Variants in TCF20 observed in about 807,000 individuals in gnomAD.
The protein encoded by TCF20 is transcription factor 20.
A neutral mutation model predicts 148.6 loss-of-function variants in TCF20; 3 were observed. The observed-to-expected ratio is 0.02, with a 90% CI of 0.01 to 0.05. TCF20 has a LOEUF of 0.05. TCF20 is among the 10% of genes least tolerant of loss of function. The pLI is 1.00. For missense variants in TCF20, 2,350 were observed against 2,429.3 expected (o/e 0.97, Z 0.69); for synonymous variants, 1,049 against 909.5 (o/e 1.15, Z -2.76).
At chr22:42,316,911 C>T (rs911100150) in intron 1 of TCF20, among the ~76,000 whole-genome samples, 6 of 152,190 alleles carry the variant, frequency 3.9e-5, no homozygotes, top group Non-Finnish European at 5.9e-5. Context: ...TCCAGCCAAG[C>T]GTCGCCCTTT....
At chr22:42,300,037 T>G (rs1927307251) in intron 1 of TCF20, among the ~76,000 whole-genome samples, 1 of 152,108 alleles carries the variant, frequency 6.6e-6, no homozygotes, top group Non-Finnish European at 1.5e-5. Context: ...AGCAGTCACG[T>G]GCAGCCTGGT....
intron 1 of TCF20, among the ~76,000 whole-genome samples, chr22:42,230,066 C>A (rs1279649107): frequency 2.0e-5 from 3 of 152,238 alleles, no homozygotes; most frequent in African/African-American, 4.8e-5. Context: ...TATTTTAAAA[C>A]CTTCACTGGC....
intron 4 of TCF20, 113 bp from the exon 5 acceptor site, chr22:42,168,849 G>T: frequency 7.2e-7 from 1 of 1,384,272 alleles, no homozygotes; most frequent in Non-Finnish European, 9.5e-7. Flanking sequence ...AAAAGGCAGA[G>T]TCAGTCCTGA....
intron 1 of TCF20, among the ~76,000 whole-genome samples, chr22:42,310,008 C>T (rs1459093972): frequency 1.3e-5 from 2 of 152,240 alleles, no homozygotes; most frequent in Non-Finnish European, 2.9e-5. Flanking sequence ...TGCCCAGGCA[C>T]TGCTGAATCA....
intron 2 of TCF20, among the ~76,000 whole-genome samples, chr22:42,205,243 CT>C (rs541229810): frequency 1.2e-3 from 176 of 150,740 alleles, no homozygotes; most frequent in Admixed American, 2.6e-3. Context: ...GCAAAGGGGA[CT>C]TGTGCTGAAA....
chr22:42,174,912 G>A (rs930684857), intron 3 of TCF20, among the ~76,000 whole-genome samples: 1 of 151,952 alleles, frequency 6.6e-6, no homozygotes, highest in Non-Finnish European at 1.5e-5. Flanking sequence ...GCGGGCGCCT[G>A]TAGTCCCAGC....
chr22:42,170,426 T>C (rs192124723), intron 3 of TCF20, among the ~76,000 whole-genome samples: 3 of 151,570 alleles, frequency 2.0e-5, no homozygotes, highest in Admixed American at 2.0e-4. Context: ...GAAGACTGCT[T>C]GAGCCCAGGA....
At chr22:42,271,533 G>A (rs1403732997), upstream of TCF20, among the ~76,000 whole-genome samples, 1 of 152,056 alleles carries the variant, frequency 6.6e-6, no homozygotes, top group African/African-American at 2.4e-5. Context: ...ATATGTAGAT[G>A]TTGGTGCCCC....
rs134905 is a variant in TCF20, at chr22:42,293,160, C to G, written c.-37+50319G>C. 5.8e-3 allele frequency among the ~76,000 whole-genome samples: 878 copies of G among 152,268 alleles called. 4 individuals are homozygous for G. The highest frequency in any genetic ancestry group is 0.011 in the Non-Finnish European group (723 of 67,986). ...CAATAGTGTAGTGTTGGCCCCCCAG[C>G]CCCTCGAATAGGGGGAAGATCCAAG... On this transcript the variant is annotated intron_variant, in intron 1 of 1. Coordinates refer to the TCF20 transcript ENST00000515426.
Position 42,322,054 on chromosome 22 carries a change from C to A in TCF20, c.-37+21425G>T, listed in dbSNP as rs192603992. Reference sequence around the variant, plus strand: ...CACATGTAAAATATTTGGAACAAGGCCCAGCACTCAGCAATTGCTCAATAA... The same window carrying A: ...CACATGTAAAATATTTGGAACAAGGACCAGCACTCAGCAATTGCTCAATAA... On this transcript the variant is annotated intron_variant, in intron 1 of 1. Transcript: ENST00000515426. Among the ~76,000 whole-genome samples, 25 of 151,910 alleles carry A rather than the reference C, an allele frequency of 1.6e-4. No homozygotes were observed. In the East Asian group the frequency reaches 4.6e-3, roughly 28 times the overall value.
At chr22:42,300,389 T>TA (rs879379702) in intron 1 of TCF20, among the ~76,000 whole-genome samples, 28 of 138,720 alleles carry the variant, frequency 2.0e-4, no homozygotes, top group South Asian at 4.8e-4. Context: ...TGGCTCAAAC[T>TA]AAAAAAAAAA....
At chr22:42,167,740 G>C (rs1390143032) in intron 5 of TCF20, among the ~76,000 whole-genome samples, 1 of 151,736 alleles carries the variant, frequency 6.6e-6, no homozygotes, top group Non-Finnish European at 1.5e-5. Flanking sequence ...TTCTTTTTTT[G>C]AGACAGGGTC....
rs780984632 is a variant in TCF20 at position 42,212,349 on chromosome 22, G to A, written c.2957C>T (p.Thr986Met). 2.9e-5 allele frequency: 47 copies of A among 1,614,112 alleles called. No homozygotes were observed. The highest frequency in any genetic ancestry group is 6.7e-5 in the Admixed American group (4 of 60,004). The change falls in exon 2 of 6, where the codon ACG becomes ATG. Residue 986 changes from threonine (T) to methionine (M), a missense_variant. Physicochemically the swap from Thr to Met is moderately conservative, Grantham distance 81. Around this residue, in one of 7 missense-constraint regions of TCF20, gnomAD observed 1,641 missense variants for 1,662.6 expected, o/e 0.99. Transcript: ENST00000677622. ...SDYGPQDSRP[T>M]PMRRVPGRVG... Reference sequence around the variant, plus strand: ...TCTGCCAGGGACCCGCCGCATTGGCGTGGGTCTGCTGTCTTGCGGGCCATA... The same window carrying A: ...TCTGCCAGGGACCCGCCGCATTGGCATGGGTCTGCTGTCTTGCGGGCCATA...
At chr22:42,313,890 G>A (rs1429432584) in intron 1 of TCF20, among the ~76,000 whole-genome samples, 3 of 152,146 alleles carry the variant, frequency 2.0e-5, no homozygotes, top group Non-Finnish European at 4.4e-5. Context: ...GTGAGTCACC[G>A]CGCCGGGCCA....
intron 1 of TCF20, among the ~76,000 whole-genome samples, chr22:42,341,009 G>A (rs1415056642): frequency 6.6e-6 from 1 of 152,068 alleles, no homozygotes; most frequent in Non-Finnish European, 1.5e-5. Context: ...GGAGCTGCGG[G>A]GCGCGCAGCT....
At chr22:42,169,739 G>A (rs1361460676) in intron 4 of TCF20, 108 bp downstream of exon 4, 14 of 1,150,080 alleles carry the variant, frequency 1.2e-5, no homozygotes, top group Non-Finnish European at 1.6e-5. Flanking sequence ...GGAGGCACAG[G>A]TGGGGACAGG....
At chr22:42,340,854 GA>G (rs1928151643) in intron 1 of TCF20, among the ~76,000 whole-genome samples, 2 of 150,368 alleles carry the variant, frequency 1.3e-5, no homozygotes, top group African/African-American at 2.4e-5. Context: ...AGGGGGAGGG[GA>G]AAGGGGAGGG....
upstream of TCF20, among the ~76,000 whole-genome samples, chr22:42,272,144 C>T (rs755077294): frequency 4.6e-5 from 7 of 152,210 alleles, no homozygotes; most frequent in Non-Finnish European, 8.8e-5. Context: ...CAGGCTCTTC[C>T]GGGGCAGAGC....
chr22:42,309,165 G>A (rs757829894), intron 1 of TCF20, among the ~76,000 whole-genome samples: 8 of 152,086 alleles, frequency 5.3e-5, no homozygotes, highest in Non-Finnish European at 7.4e-5. Flanking sequence ...AGATAAGAGC[G>A]GAGCCGGCAA....
Sources: gnomAD v4.1 joint callset for allele counts (sites outside exome capture counted in the v4.1 genomes callset) on GRCh38, gnomAD v4.1.1 for gene constraint, gnomAD v4.1.1 regional missense constraint, MANE v1.5 for transcripts, NCBI Gene and HGNC (gene_info 2026-07-23, HGNC 2026-07-21) for gene names.